ZBTB7C: variants seen among roughly 807,000 people sequenced by gnomAD.
ZBTB7C encodes the protein zinc finger and BTB domain-containing protein 7C.
A neutral mutation model predicts 25.7 loss-of-function variants in ZBTB7C; 8 were observed. The ratio of observed to expected loss-of-function variants is 0.31; its 90% confidence interval spans 0.18 to 0.56. The LOEUF is 0.56. ZBTB7C is among the 20% of genes least tolerant of loss of function. ZBTB7C has a pLI of 0.91. For synonymous variants in ZBTB7C, 394 were observed against 369.0 expected (o/e 1.07, Z -0.78); for missense variants, 824 against 855.2 (o/e 0.96, Z 0.46).
chr18:48,276,901 G>C (rs1429521248), intron 2 of ZBTB7C, among the ~76,000 whole-genome samples: 7 of 126,290 alleles, frequency 5.5e-5, no homozygotes, highest in African/African-American at 2.1e-4. Context: ...GGTTGAACTA[G>C]TTTACAGTCC....
At chr18:48,237,479 A>G (rs2043411076) in intron 2 of ZBTB7C, among the ~76,000 whole-genome samples, 1 of 152,150 alleles carries the variant, frequency 6.6e-6, no homozygotes, top group African/African-American at 2.4e-5. Flanking sequence ...ATATAAGAAA[A>G]GATGCTCAAC....
At chr18:48,291,787 A>G (rs542129593) in intron 2 of ZBTB7C, among the ~76,000 whole-genome samples, 1 of 152,138 alleles carries the variant, frequency 6.6e-6, no homozygotes, top group Non-Finnish European at 1.5e-5. Context: ...AAGTGAACAC[A>G]GCAGTTAGGG....
intron 1 of ZBTB7C, among the ~76,000 whole-genome samples, chr18:48,394,287 T>C (rs2047969822): frequency 6.6e-6 from 1 of 152,224 alleles, no homozygotes; most frequent in African/African-American, 2.4e-5. Flanking sequence ...CTCTGGCAGA[T>C]TCTCTAATGA....
chr18:48,110,818 G>A (rs1215379759), intron 3 of ZBTB7C, among the ~76,000 whole-genome samples: 5 of 152,184 alleles, frequency 3.3e-5, no homozygotes, highest in Non-Finnish European at 5.9e-5. Flanking sequence ...CCAGGAGGGG[G>A]TTCAGGATGA....
intron 3 of ZBTB7C, among the ~76,000 whole-genome samples, chr18:48,180,808 A>G (rs2041899007): frequency 6.6e-6 from 1 of 152,238 alleles, no homozygotes; most frequent in African/African-American, 2.4e-5. Context: ...TCACAAAGAT[A>G]TAATTATTAT....
chr18:48,029,502 C>T lies in ZBTB7C; in HGVS notation c.1618G>A (p.Gly540Ser). 6.3e-7 allele frequency: 1 copy of T among 1,590,914 alleles called. No individual in the cohort carries two copies. Among genetic ancestry groups the T allele is most frequent in the East Asian group, 2.3e-5 (1 of 43,490 alleles). ...TCCAGCTCTTGCAGGCTCAGGGCGC[C>T]CTTGGGCGCTGCCAGGAAGTGCTTG... Reference protein sequence around the residue: ...PAKHFLAAPKGALSLQELERQ... With the variant: ...PAKHFLAAPKSALSLQELERQ... The change falls in exon 5 of 5, where the codon GGC becomes AGC. Residue 540 changes from glycine (G) to serine (S), a missense_variant. By Grantham distance (56) the Gly-to-Ser change is moderately conservative. Coordinates refer to ENST00000590800, the MANE Select transcript of ZBTB7C (RefSeq NM_001318841.2).
At chr18:48,215,247 C>T (rs140211897) in intron 2 of ZBTB7C, among the ~76,000 whole-genome samples, 7 of 152,276 alleles carry the variant, frequency 4.6e-5, no homozygotes, top group African/African-American at 1.7e-4. Context: ...TCCATAGCAT[C>T]CCCAGCTTGG....
intron 2 of ZBTB7C, among the ~76,000 whole-genome samples, chr18:48,259,279 A>C (rs999577483): frequency 1.6e-5 from 2 of 125,982 alleles, no homozygotes; most frequent in African/African-American, 7.3e-5. Flanking sequence ...CAAGAGTGTA[A>C]AAGCAATTCA....
intron 2 of ZBTB7C, among the ~76,000 whole-genome samples, chr18:48,291,401 T>C (rs1048800299): frequency 6.6e-6 from 1 of 152,076 alleles, no homozygotes. Context: ...AACTATTCCA[T>C]AAAGGTGTTT....
intron 2 of ZBTB7C, among the ~76,000 whole-genome samples, chr18:48,300,360 C>T (rs2045512932): frequency 6.6e-6 from 1 of 152,106 alleles, no homozygotes; most frequent in African/African-American, 2.4e-5. Flanking sequence ...CCTTGTGAAA[C>T]AGAGCTTTAC....
chr18:48,233,950 C>T (rs547407545), intron 2 of ZBTB7C, among the ~76,000 whole-genome samples: 104 of 152,246 alleles, frequency 6.8e-4, no homozygotes, highest in South Asian at 5.4e-3. Context: ...GTTCCATCCA[C>T]ATCAGTCAGT....
chr18:48,359,429 C>T (rs2047053151), intron 1 of ZBTB7C, among the ~76,000 whole-genome samples: 1 of 152,172 alleles, frequency 6.6e-6, no homozygotes, highest in Non-Finnish European at 1.5e-5. Flanking sequence ...TACATAACAA[C>T]ACTCTAATAT....
chr18:48,141,154 C>CCCCG (rs1394406642), intron 3 of ZBTB7C, among the ~76,000 whole-genome samples: 2 of 146,742 alleles, frequency 1.4e-5, no homozygotes, highest in Non-Finnish European at 1.5e-5. Flanking sequence ...CCACCCCCCC[C>CCCCG]ACTGTTCCTT....
chr18:48,223,408 T>A (rs538647997), intron 2 of ZBTB7C, among the ~76,000 whole-genome samples: 15 of 152,334 alleles, frequency 9.8e-5, no homozygotes, highest in Admixed American at 7.8e-4. Flanking sequence ...CAACCCCATC[T>A]TTCTCAGCAA....
rs561080805 is a variant in ZBTB7C at position 48,356,319 on chromosome 18, G to A, written c.-303-17921C>T. On this transcript the variant is annotated intron_variant, in intron 1 of 4. Transcript: ENST00000590800. ...CATGCCAAGGTTGCCAGCCAACAGCGCAGAGCAGCCAGGATGCTTCAGCGC... is the reference window on the plus strand; with the variant it reads ...CATGCCAAGGTTGCCAGCCAACAGCACAGAGCAGCCAGGATGCTTCAGCGC... Among the ~76,000 whole-genome samples the A allele has an allele frequency of 1.8e-4, 27 of 152,282 alleles. No homozygotes were observed. The South Asian group carries it at 5.6e-3, about 32-fold the overall frequency.
chr18:48,397,221 C>T (rs758671018), intron 1 of ZBTB7C, among the ~76,000 whole-genome samples: 3 of 152,164 alleles, frequency 2.0e-5, no homozygotes, highest in Non-Finnish European at 4.4e-5. Context: ...CTGCACAGGG[C>T]GGGAACCAGC....
chr18:48,411,168 A>G (rs908881208), upstream of ZBTB7C, among the ~76,000 whole-genome samples: 4 of 152,176 alleles, frequency 2.6e-5, no homozygotes, highest in Non-Finnish European at 4.4e-5. Context: ...GGAAAACTAG[A>G]TATGAATAGA....
chr18:48,349,065 G>A (rs1032688093), intron 1 of ZBTB7C, among the ~76,000 whole-genome samples: 2 of 152,170 alleles, frequency 1.3e-5, no homozygotes, highest in African/African-American at 4.8e-5. Context: ...GCACAGTAGG[G>A]GCCACAGGGT....
chr18:48,175,607 CA>C (rs2041647408), intron 3 of ZBTB7C, among the ~76,000 whole-genome samples: 1 of 152,106 alleles, frequency 6.6e-6, no homozygotes, highest in African/African-American at 2.4e-5. Context: ...CAAATATACC[CA>C]GCAACGAGCA....
Sources: allele counts gnomAD v4.1 joint callset (sites outside exome capture counted in the v4.1 genomes callset), GRCh38; gene constraint gnomAD v4.1.1; transcripts MANE v1.5; gene names NCBI Gene and HGNC (gene_info 2026-07-23, HGNC 2026-07-21).